The following GABRG3 variants were observed in gnomAD, a reference collection of about 807,000 sequenced individuals.
GABRG3 encodes gamma-aminobutyric acid receptor subunit gamma-3.
In GABRG3, 25 loss-of-function variants were observed where a neutral mutation model predicts 48.8. That is an observed-to-expected ratio of 0.51 (90% CI 0.37 to 0.72). The LOEUF is 0.72. Ranked by LOEUF, GABRG3 falls within the 30% of genes least tolerant of loss-of-function variation. GABRG3 has a pLI of 0.00. For synonymous variants in GABRG3, 227 were observed against 217.6 expected (o/e 1.04, Z -0.38); for missense variants, 394 against 577.9 (o/e 0.68, Z 3.26).
intron 3 of GABRG3, among the ~76,000 whole-genome samples, chr15:27,028,413 G>A (rs954169231): frequency 3.3e-5 from 5 of 152,140 alleles, no homozygotes; most frequent in African/African-American, 9.7e-5. Context: ...GTTAAGGGTC[G>A]GACCTCAGCC....
chr15:27,278,295 C>T (rs1891321448), intron 3 of GABRG3, among the ~76,000 whole-genome samples: 1 of 152,082 alleles, frequency 6.6e-6, no homozygotes, highest in Admixed American at 6.6e-5. Flanking sequence ...TGTGATCCGC[C>T]CGCCTCGGCC....
intron 3 of GABRG3, among the ~76,000 whole-genome samples, chr15:27,131,971 G>A (rs1295678768): frequency 1.3e-5 from 2 of 151,880 alleles, no homozygotes; most frequent in Admixed American, 6.6e-5. Flanking sequence ...CCAATTTTAA[G>A]TTGGATTATT....
At position 27,335,182 on chromosome 15, in the gene GABRG3, T is replaced by C. The variant is rs75646617; in HGVS notation, c.574+6294T>C. 9.1e-4 allele frequency among the ~76,000 whole-genome samples: 121 copies of C among 133,204 alleles called. No individual in the cohort carries two copies. In the East Asian group the frequency reaches 0.01, roughly 11 times the overall value. The allele number at this position is 133,204 out of a possible 152,430, so 87.4% of individuals were successfully genotyped here. On this transcript the variant is annotated intron_variant, in intron 5 of 9. Transcript: ENST00000615808. ...GGTAGACAAGACCCCTTTTGACTGT[T>C]GTGACTGCTATACCCATTGGTAGAC...
At chr15:27,080,743 A>T (rs1896979096) in intron 3 of GABRG3, among the ~76,000 whole-genome samples, 1 of 152,240 alleles carries the variant, frequency 6.6e-6, no homozygotes, top group Admixed American at 6.5e-5. Context: ...CCCTCTGTCC[A>T]CATTCTTCTA....
Position 27,245,757 on chromosome 15 carries a change from C to T in GABRG3, c.271-81052C>T, listed in dbSNP as rs8031183. On this transcript the variant is annotated intron_variant, in intron 3 of 9. Coordinates refer to ENST00000615808, the MANE Select transcript of GABRG3 (RefSeq NM_033223.5). ...GCATGGTGGCTGGTGCCTGTAATCC[C>T]AGCTACTCGGGAGGCTGAGGCAGGA... Among the ~76,000 whole-genome samples, 1,155 of 152,218 alleles carry T rather than the reference C, an allele frequency of 7.6e-3. 16 individuals are homozygous for T. The highest frequency in any genetic ancestry group is 0.026 in the African/African-American group (1,077 of 41,506).
At chr15:26,999,789 G>A (rs1340227873) in intron 2 of GABRG3, among the ~76,000 whole-genome samples, 1 of 151,944 alleles carries the variant, frequency 6.6e-6, no homozygotes, top group East Asian at 1.9e-4. Context: ...GCTTGTTGAT[G>A]CTCTTTCCTT....
intron 3 of GABRG3, among the ~76,000 whole-genome samples, chr15:27,239,552 T>C (rs1490091372): frequency 6.6e-6 from 1 of 152,246 alleles, no homozygotes; most frequent in East Asian, 1.9e-4. Context: ...GTGCCTGAAT[T>C]TGTTAGGCTA....
At chr15:27,481,001 T>C in intron 6 of GABRG3, 2 of 1,375,168 alleles carry the variant, frequency 1.5e-6, no homozygotes, top group Non-Finnish European at 1.9e-6. Flanking sequence ...GAATCCAGGC[T>C]GTGTTTGCAT....
intron 3 of GABRG3, among the ~76,000 whole-genome samples, chr15:27,078,706 T>A (rs1896947572): frequency 6.6e-6 from 1 of 152,158 alleles, no homozygotes; most frequent in Non-Finnish European, 1.5e-5. Context: ...GTTTTCAGGA[T>A]GAAAGGAGAC....
At chr15:27,406,082 A>C (rs1010186327) in intron 5 of GABRG3, among the ~76,000 whole-genome samples, 1 of 152,156 alleles carries the variant, frequency 6.6e-6, no homozygotes, top group Non-Finnish European at 1.5e-5. Context: ...GCTTGAACCC[A>C]TGAGTTTGAG....
rs747644341 is a variant in GABRG3, at chr15:27,532,704, G to C, written c.1227G>C (p.Leu409=). Residue 409 remains leucine, a synonymous_variant, in exon 10 of 10, where the codon CTG becomes CTC. Transcript: ENST00000615808. ...EFEDTCVYEC[L]DGKDCQSFFC... ...AAGATACCTGTGTCTATGAGTGTCTGGATGGCAAAGACTGTCAGAGCTTCT... is the reference window on the plus strand; with the variant it reads ...AAGATACCTGTGTCTATGAGTGTCTCGATGGCAAAGACTGTCAGAGCTTCT... 3 of 1,614,000 alleles carry C rather than the reference G, an allele frequency of 1.9e-6. No homozygotes were observed. In the South Asian group the frequency reaches 3.3e-5, roughly 18 times the overall value.
At chr15:27,307,928 TGC>T (rs1892727824) in intron 3 of GABRG3, among the ~76,000 whole-genome samples, 8 of 136,628 alleles carry the variant, frequency 5.9e-5, no homozygotes, top group African/African-American at 2.1e-4. Context: ...TATAAACATA[TGC>T]TTGTATATAA....
intron 3 of GABRG3, among the ~76,000 whole-genome samples, chr15:27,031,885 C>T (rs1052630223): frequency 1.3e-5 from 2 of 152,160 alleles, no homozygotes; most frequent in Admixed American, 6.5e-5. Context: ...CCGTGGTGCT[C>T]CTGACCTTGT....
Position 27,319,144 on chromosome 15 carries a change from G to A in GABRG3, c.271-7665G>A, listed in dbSNP as rs756157799. On this transcript the variant is annotated intron_variant, in intron 3 of 9. Transcript: ENST00000615808. This position sits in a 1 kb window ranked among gnomAD's most constrained non-coding sequence, Gnocchi z 4.4. ...GTGGTAACGATTTCACAATGTACAC[G>A]TATGTCAAATCATCACATCATGCAT... 9.9e-5 allele frequency among the ~76,000 whole-genome samples: 15 copies of A among 152,172 alleles called. No homozygotes were observed. Among genetic ancestry groups the A allele is most frequent in the Admixed American group, 2.0e-4 (3 of 15,280 alleles).
At chr15:27,338,361 T>C (rs187798361) in intron 5 of GABRG3, among the ~76,000 whole-genome samples, 2 of 152,290 alleles carry the variant, frequency 1.3e-5, no homozygotes, top group Non-Finnish European at 2.9e-5. Flanking sequence ...ACCCCAGGCA[T>C]TCTTTCCATC....
Position 27,133,534 on chromosome 15 carries a change from G to GT in GABRG3, c.270+106717dup, listed in dbSNP as rs527409178. On this transcript the variant is annotated intron_variant, in intron 3 of 9. Coordinates refer to ENST00000615808, the MANE Select transcript of GABRG3 (RefSeq NM_033223.5). Reference sequence around the variant, plus strand: ...ATGAATTTCCCTTTCCTTTTTTTCTGTTTTATGCATTTCTACCTTTGAAAC... The same window carrying GT: ...ATGAATTTCCCTTTCCTTTTTTTCTGTTTTTATGCATTTCTACCTTTGAAAC... 3.0e-4 allele frequency among the ~76,000 whole-genome samples: 45 copies of GT among 152,060 alleles called. No individual in the cohort carries two copies. The East Asian group carries it at 3.1e-3, about 10-fold the overall frequency.
In GABRG3 at chr15:27,308,366, C is replaced by CATACGTTTATATATAAACAT. The variant is rs1555370349; in HGVS notation, c.271-18440_271-18439insCGTTTATATATAAACATATA. ...ATATAAACATACGTTTATATATAAA[C>CATACGTTTATATATAAACAT]ATATAAACATTTGTTTATATATAAA... On this transcript the variant is annotated intron_variant, in intron 3 of 9. Transcript: ENST00000615808. Among the ~76,000 whole-genome samples, 56 of 129,636 alleles carry CATACGTTTATATATAAACAT rather than the reference C, an allele frequency of 4.3e-4. 1 individual carries two copies. The highest frequency in any genetic ancestry group is 7.8e-4 in the Non-Finnish European group (49 of 63,098). The allele number at this position is 129,636 out of a possible 152,430, so 85.0% of individuals were successfully genotyped here.
chr15:27,528,705 A>T (rs1373016366), intron 9 of GABRG3, among the ~76,000 whole-genome samples: 1 of 105,182 alleles, frequency 9.5e-6, no homozygotes, highest in African/African-American at 3.3e-5. Context: ...TTGACTATTG[A>T]CAATATTGTC....
At chr15:27,475,451 C>T (rs925405081) in intron 5 of GABRG3, among the ~76,000 whole-genome samples, 8 of 151,562 alleles carry the variant, frequency 5.3e-5, no homozygotes, top group African/African-American at 9.7e-5. Flanking sequence ...ATGATGATGG[C>T]GATGATTGTG....
Sources: gnomAD v4.1 joint callset for allele counts (sites outside exome capture counted in the v4.1 genomes callset) on GRCh38, gnomAD v4.1.1 for gene constraint, Gnocchi (gnomAD v3.1) non-coding constraint, MANE v1.5 for transcripts, NCBI Gene and HGNC (gene_info 2026-07-23, HGNC 2026-07-21) for gene names.